Variants in SLC35D4 observed in about 807,000 individuals in gnomAD.
SLC35D4 encodes the protein solute carrier family 35 member D4.
At chr18:23,356,495 G>A in the SLC35D4 span, 4 of 1,237,444 alleles carry the variant, frequency 3.2e-6, no homozygotes, top group Non-Finnish European at 3.5e-6. This position sits in a 1 kb window ranked among gnomAD's most constrained non-coding sequence, Gnocchi z 4.1. Flanking sequence ...ACTCTCTCCT[G>A]CCACTCACTC....
At chr18:23,308,874 C>CTT in the SLC35D4 span, among the ~76,000 whole-genome samples, 1 of 144,184 alleles carries the variant, frequency 6.9e-6, no homozygotes, top group Non-Finnish European at 1.5e-5. Context: ...CTCTCTCTCT[C>CTT]TCTGTGTGTG....
chr18:23,291,669 G>A, the SLC35D4 span, among the ~76,000 whole-genome samples: 1 of 152,180 alleles, frequency 6.6e-6, no homozygotes, highest in African/African-American at 2.4e-5. Context: ...CAGGGCTCCT[G>A]AGGCTGTCAG....
the SLC35D4 span, among the ~76,000 whole-genome samples, chr18:23,371,944 T>TTGTTTTTTTTTTG: frequency 1.5e-4 from 4 of 26,216 alleles, no homozygotes; most frequent in East Asian, 1.3e-3. Context: ...TGTTTTTTTT[T>TTGTTTTTTTTTTG]TTTTTTTTTG....
the SLC35D4 span, among the ~76,000 whole-genome samples, chr18:23,245,118 C>T: frequency 1.3e-5 from 2 of 152,212 alleles, no homozygotes; most frequent in Non-Finnish European, 2.9e-5. Flanking sequence ...ATTCACTTCA[C>T]AGCATTGTTA....
the SLC35D4 span, among the ~76,000 whole-genome samples, chr18:23,419,378 C>T: frequency 1.5e-4 from 23 of 151,892 alleles, no homozygotes; most frequent in Admixed American, 1.2e-3. Context: ...CTGCAACCTC[C>T]GCCTCCTGGG....
chr18:23,293,043 C>A, the SLC35D4 span, among the ~76,000 whole-genome samples: 1 of 152,106 alleles, frequency 6.6e-6, no homozygotes, highest in South Asian at 2.1e-4. Flanking sequence ...AGTTCGGGAC[C>A]AGCCTGACCA....
chr18:23,295,692 T>C, the SLC35D4 span, among the ~76,000 whole-genome samples: 1 of 152,180 alleles, frequency 6.6e-6, no homozygotes, highest in Admixed American at 6.5e-5. Flanking sequence ...TTTTCTCTCT[T>C]TTCTCAACAA....
At chr18:23,393,610 G>A in the SLC35D4 span, among the ~76,000 whole-genome samples, 2 of 152,148 alleles carry the variant, frequency 1.3e-5, no homozygotes, top group Non-Finnish European at 2.9e-5. Flanking sequence ...ATATTCCATT[G>A]TTTGTATTTT....
At chr18:23,244,495 CT>C in the SLC35D4 span, among the ~76,000 whole-genome samples, 35 of 152,340 alleles carry the variant, frequency 2.3e-4, no homozygotes, top group East Asian at 4.8e-3. Context: ...TTACTGTCCT[CT>C]AAGGGAAAGG....
the SLC35D4 span, among the ~76,000 whole-genome samples, chr18:23,409,994 T>C: frequency 8.9e-4 from 135 of 152,286 alleles, no homozygotes; most frequent in African/African-American, 3.0e-3. Context: ...GTATATGGGA[T>C]GACATGTGTA....
At chr18:23,403,269 T>A in the SLC35D4 span, among the ~76,000 whole-genome samples, 8 of 152,218 alleles carry the variant, frequency 5.3e-5, no homozygotes, top group Non-Finnish European at 1.2e-4. Flanking sequence ...CCGTATGTGT[T>A]TTGTTCATAT....
At chr18:23,344,930 G>T in the SLC35D4 span, among the ~76,000 whole-genome samples, 2 of 151,946 alleles carry the variant, frequency 1.3e-5, no homozygotes, top group African/African-American at 4.8e-5. Flanking sequence ...GGTGTTTTTT[G>T]AATTGTAAAA....
chr18:23,396,990 G>A, the SLC35D4 span, among the ~76,000 whole-genome samples: 26 of 152,136 alleles, frequency 1.7e-4, no homozygotes, highest in African/African-American at 6.0e-4. Context: ...CGTTGTTGAA[G>A]GCTGCAGAAC....
At chr18:23,274,933 G>C in the SLC35D4 span, among the ~76,000 whole-genome samples, 2 of 152,106 alleles carry the variant, frequency 1.3e-5, no homozygotes, top group Non-Finnish European at 2.9e-5. Context: ...GTGTGTGCTT[G>C]TGTGTGTTTG....
chr18:23,292,198 G>T, the SLC35D4 span, among the ~76,000 whole-genome samples: 1 of 152,184 alleles, frequency 6.6e-6, no homozygotes, highest in Non-Finnish European at 1.5e-5. Flanking sequence ...GAAAAGAATG[G>T]TGTCCTCTCC....
the SLC35D4 span, among the ~76,000 whole-genome samples, chr18:23,411,483 T>TAGAA: frequency 0.21 from 19,026 of 91,600 alleles, 3,173 homozygotes; most frequent in Non-Finnish European, 0.22. Flanking sequence ...AAGAAAGAGA[T>TAGAA]AGAAAGAAAG....
the SLC35D4 span, among the ~76,000 whole-genome samples, chr18:23,367,726 T>C: frequency 1.3e-5 from 2 of 151,982 alleles, no homozygotes; most frequent in Non-Finnish European, 2.9e-5. Context: ...GGTGGGACTA[T>C]GTTTGAAGAA....
chr18:23,256,755 G>C, the SLC35D4 span, among the ~76,000 whole-genome samples: 1 of 152,144 alleles, frequency 6.6e-6, no homozygotes, highest in African/African-American at 2.4e-5. Flanking sequence ...AAGGTGCTGG[G>C]ATGACAGGCG....
chr18:23,246,558 AT>A, the SLC35D4 span, among the ~76,000 whole-genome samples: 4 of 151,680 alleles, frequency 2.6e-5, no homozygotes, highest in Non-Finnish European at 4.4e-5. Context: ...CACCCGGCTA[AT>A]TTTTTGTGTT....
Sources: allele counts gnomAD v4.1 joint callset (sites outside exome capture counted in the v4.1 genomes callset), GRCh38; gene constraint gnomAD v4.1.1; non-coding constraint Gnocchi (gnomAD v3.1); transcripts MANE v1.5; gene names NCBI Gene and HGNC (gene_info 2026-07-23, HGNC 2026-07-21).